ZFHX3: variants seen among roughly 807,000 people sequenced by gnomAD.
ZFHX3 encodes zinc finger homeobox protein 3.
A neutral mutation model predicts 279.1 loss-of-function variants in ZFHX3; 42 were observed. The ratio of observed to expected loss-of-function variants is 0.15; its 90% CI spans 0.12 to 0.19. The LOEUF (loss-of-function observed/expected upper bound fraction) is 0.19, where lower values mean the gene tolerates loss of function less well. Among genes scored for constraint, ZFHX3 ranks in the 10% least tolerant of loss-of-function variants. The pLI is 1.00. For missense variants in ZFHX3, 4,981 were observed against 4,754.0 expected (o/e 1.05, Z -1.40); for synonymous variants, 2,293 against 1,957.8 (o/e 1.17, Z -4.52).
chr16:73,718,614 AT>A (rs1329401283), intron 1 of ZFHX3, among the ~76,000 whole-genome samples: 8 of 50,862 alleles, frequency 1.6e-4, no homozygotes, highest in South Asian at 7.5e-4. Context: ...TTTATTTATT[AT>A]TTATTTATTT....
At chr16:73,472,826 G>C (rs1281497610) in intron 2 of ZFHX3, among the ~76,000 whole-genome samples, 1 of 152,098 alleles carries the variant, frequency 6.6e-6, no homozygotes, top group Non-Finnish European at 1.5e-5. Flanking sequence ...CTCTCCCTCA[G>C]CTGCAGGTCT....
At chr16:73,451,199 G>A (rs183297916) in intron 3 of ZFHX3, among the ~76,000 whole-genome samples, 30 of 152,268 alleles carry the variant, frequency 2.0e-4, no homozygotes, top group African/African-American at 7.2e-4. Context: ...ATCTGAACTG[G>A]GGTGTTCCCA....
intron 3 of ZFHX3, among the ~76,000 whole-genome samples, chr16:72,945,368 G>C (rs191431070): frequency 6.6e-6 from 1 of 152,216 alleles, no homozygotes. Flanking sequence ...GGCCACAAGA[G>C]CTGTCAGAGT....
chr16:73,622,882 G>A (rs576478839), intron 2 of ZFHX3, among the ~76,000 whole-genome samples: 118 of 152,206 alleles, frequency 7.8e-4, no homozygotes, highest in Middle Eastern at 3.4e-3. Context: ...TTGTCTTGTC[G>A]CTACCTAGCA....
chr16:73,601,108 G>T (rs551741723), intron 2 of ZFHX3, among the ~76,000 whole-genome samples: 1 of 151,992 alleles, frequency 6.6e-6, no homozygotes, highest in South Asian at 2.1e-4. Context: ...TGATAATGAA[G>T]CATATACTGC....
At chr16:73,554,891 C>T (rs1417163060) in intron 2 of ZFHX3, 2 of 152,178 alleles carry the variant, frequency 1.3e-5, no homozygotes, top group African/African-American at 4.8e-5. Context: ...ATAGACCTGA[C>T]CTTCCTCAGT....
intron 5 of ZFHX3, among the ~76,000 whole-genome samples, chr16:73,184,595 T>A (rs1967872205): frequency 6.6e-6 from 1 of 152,150 alleles, no homozygotes; most frequent in Admixed American, 6.5e-5. Flanking sequence ...CGACTCTTCC[T>A]GGGAAAAACC....
At chr16:73,520,567 C>T (rs1244686871) in intron 2 of ZFHX3, among the ~76,000 whole-genome samples, 13 of 152,180 alleles carry the variant, frequency 8.5e-5, no homozygotes, top group African/African-American at 3.1e-4. Flanking sequence ...CTCCATCTGG[C>T]TCTCTCACCA....
At chr16:73,832,567 G>C (rs774252994) in intron 1 of ZFHX3, among the ~76,000 whole-genome samples, 4 of 152,034 alleles carry the variant, frequency 2.6e-5, no homozygotes, top group African/African-American at 9.7e-5. Context: ...AAGAGACAGG[G>C]TCTCACTCTG....
chr16:73,686,934 C>T (rs1286077836), intron 1 of ZFHX3, among the ~76,000 whole-genome samples: 2 of 148,198 alleles, frequency 1.3e-5, no homozygotes, highest in Admixed American at 1.4e-4. Flanking sequence ...CTTTTTTGTA[C>T]ACCTTCCAGA....
chr16:73,655,620 G>C (rs559513254), intron 2 of ZFHX3, among the ~76,000 whole-genome samples: 1 of 152,132 alleles, frequency 6.6e-6, no homozygotes, highest in East Asian at 1.9e-4. Flanking sequence ...AATAATTATG[G>C]TTATGCAAAC....
intron 1 of ZFHX3, among the ~76,000 whole-genome samples, chr16:73,039,931 G>A (rs1034129756): frequency 9.2e-5 from 14 of 152,076 alleles, no homozygotes; most frequent in African/African-American, 2.4e-4. Context: ...AAGTTTGAGC[G>A]GTATAAGCAA....
intron 1 of ZFHX3, among the ~76,000 whole-genome samples, chr16:73,007,167 T>C (rs1341849163): frequency 6.6e-6 from 1 of 152,262 alleles, no homozygotes; most frequent in Non-Finnish European, 1.5e-5. Flanking sequence ...TATGTGGTTA[T>C]GATTCTTTTA....
At position 73,302,688 on chromosome 16, in the gene ZFHX3, G is replaced by A. The variant is rs114216423; in HGVS notation, c.-1194+15552C>T. Among the ~76,000 whole-genome samples the A allele has an allele frequency of 5.5e-3, 831 of 152,334 alleles. 11 individuals are homozygous for A. Among genetic ancestry groups the A allele is most frequent in the African/African-American group, 0.019 (776 of 41,564 alleles). ...CCCTTTTGTATTAATGAGGTCAAGCGTGGGACCTCAGGGAGTCAACAGTGG... is the reference window on the plus strand; with the variant it reads ...CCCTTTTGTATTAATGAGGTCAAGCATGGGACCTCAGGGAGTCAACAGTGG... On this transcript the variant is annotated intron_variant, in intron 4 of 17. Transcript: ENST00000641206.
chr16:73,537,157 G>A (rs2019916298), intron 2 of ZFHX3, among the ~76,000 whole-genome samples: 1 of 152,098 alleles, frequency 6.6e-6, no homozygotes, highest in African/African-American at 2.4e-5. Flanking sequence ...AAGTAGACAT[G>A]ATGCTTTGGG....
chr16:73,858,443 C>G (rs1326071568), intron 1 of ZFHX3, among the ~76,000 whole-genome samples: 1 of 152,166 alleles, frequency 6.6e-6, no homozygotes, highest in Admixed American at 6.5e-5. Context: ...AGTTCTTCAG[C>G]ACTGAAACTA....
At position 72,889,763 on chromosome 16, in the gene ZFHX3, A is replaced by G. The variant is rs367735159; in HGVS notation, c.3416T>C (p.Phe1139Ser). ...CGTGGAGGGGCACCTGCGGATGGTG[A>G]AGATCTGCCCCAGGTCCTCGTCCTC... Reference protein sequence around the residue: ...PEEDEDLGQIFTIRRCPSTDP... With the variant: ...PEEDEDLGQISTIRRCPSTDP... Residue 1139 changes from phenylalanine to serine, a missense_variant, in exon 4 of 10, where the codon TTC becomes TCC. Phe to Ser is a radical substitution (Grantham distance 155). Coordinates refer to ENST00000268489, the MANE Select transcript of ZFHX3 (RefSeq NM_006885.4). The G allele has an allele frequency of 1.4e-5, 22 of 1,612,660 alleles. No homozygotes were observed. The highest frequency in any genetic ancestry group is 1.8e-5 in the Non-Finnish European group (21 of 1,179,996).
chr16:73,717,161 C>A (rs947582180), intron 1 of ZFHX3, among the ~76,000 whole-genome samples: 8 of 152,178 alleles, frequency 5.3e-5, no homozygotes, highest in African/African-American at 1.4e-4. Flanking sequence ...TGGGCTCTAG[C>A]TTGCTGTCAC....
intron 3 of ZFHX3, chr16:73,386,997 C>G (rs900457131): frequency 6.6e-6 from 1 of 152,096 alleles, no homozygotes; most frequent in Non-Finnish European, 1.5e-5. Flanking sequence ...AGAAAGCGAC[C>G]AACAACAGCA....
Sources: gnomAD v4.1 joint callset for allele counts (sites outside exome capture counted in the v4.1 genomes callset) on GRCh38, gnomAD v4.1.1 for gene constraint, MANE v1.5 for transcripts, NCBI Gene and HGNC (gene_info 2026-07-23, HGNC 2026-07-21) for gene names.